SETD4: variants seen among roughly 807,000 people sequenced by gnomAD.
SETD4 encodes SET domain-containing protein 4.
In SETD4, 46 loss-of-function variants were observed where a neutral mutation model predicts 58.3. The observed-to-expected ratio is 0.79, with a 90% CI of 0.62 to 1.01. SETD4 has a LOEUF of 1.01. SETD4 is among the 50% of genes least tolerant of loss of function. The pLI, the probability that SETD4 is intolerant of heterozygous loss-of-function variation, is 0.00. For missense variants in SETD4, 490 were observed against 523.3 expected (o/e 0.94, Z 0.62); for synonymous variants, 190 against 202.6 (o/e 0.94, Z 0.53).
At chr21:36,054,054 T>C (rs550881555) in intron 3 of SETD4, among the ~76,000 whole-genome samples, 153 of 152,250 alleles carry the variant, frequency 1.0e-3, no homozygotes, top group African/African-American at 3.5e-3. Flanking sequence ...ACCCCTTTGA[T>C]TGGCCGACTG....
chr21:36,056,350 C>T (rs901683619), intron 3 of SETD4, among the ~76,000 whole-genome samples: 1 of 152,190 alleles, frequency 6.6e-6, no homozygotes, highest in Non-Finnish European at 1.5e-5. Flanking sequence ...GCAGCCTGCC[C>T]TGTGATGTAG....
chr21:36,046,280 T>C (rs1037405915), intron 5 of SETD4, among the ~76,000 whole-genome samples: 4 of 152,174 alleles, frequency 2.6e-5, no homozygotes, highest in African/African-American at 9.7e-5. Flanking sequence ...TGCAAGAGAT[T>C]CCTCTTTGCA....
Position 36,038,134 on chromosome 21 carries a change from T to C in SETD4, c.1188+16A>G. ...TCAAGACACTTCTTTAAGGATGTCATATTCTAGAAACATACCTTTTGAAGC... is the reference window on the plus strand; with the variant it reads ...TCAAGACACTTCTTTAAGGATGTCACATTCTAGAAACATACCTTTTGAAGC... On this transcript the variant is annotated intron_variant, in intron 10 of 11. Coordinates refer to ENST00000332131, the MANE Select transcript of SETD4 (RefSeq NM_017438.5). 1 of 1,605,806 alleles carries C rather than the reference T, an allele frequency of 6.2e-7. No individual in the cohort carries two copies. Among genetic ancestry groups the C allele is most frequent in the Non-Finnish European group, 8.5e-7 (1 of 1,177,700 alleles).
At chr21:36,058,133 T>A (rs369699072) in intron 2 of SETD4, among the ~76,000 whole-genome samples, 100 of 152,322 alleles carry the variant, frequency 6.6e-4, no homozygotes, top group African/African-American at 2.2e-3. Flanking sequence ...AACAATGAGT[T>A]AGTTATCTTC....
At chr21:36,057,931 C>G (rs1030007663) in intron 2 of SETD4, among the ~76,000 whole-genome samples, 1 of 152,192 alleles carries the variant, frequency 6.6e-6, no homozygotes, top group African/African-American at 2.4e-5. Flanking sequence ...GTACCATATC[C>G]AGTTGGATTT....
chr21:36,050,228 C>T (rs1332558189), intron 4 of SETD4: 4 of 1,287,314 alleles, frequency 3.1e-6, no homozygotes, highest in African/African-American at 2.9e-5. Flanking sequence ...TCTGTAGTTA[C>T]GTGGCTGCCA....
chr21:36,059,179 TG>T lies in SETD4; in HGVS notation c.-36-256del, dbSNP rs999308503. ...CAGTCCCTCTAAAACAGTTTTATCT[TG>T]CAGACCTAGTGACTACAGCTTAATC... On this transcript the variant is annotated intron_variant, in intron 1 of 11. Coordinates refer to ENST00000332131, the MANE Select transcript of SETD4 (RefSeq NM_017438.5). 4 of 256,364 alleles carry T rather than the reference TG, an allele frequency of 1.6e-5. No homozygotes were observed. The Admixed American group carries it at 2.2e-4, about 14-fold the overall frequency. 15.9% of individuals were successfully genotyped at this position (256,364 alleles called of 1,614,324 possible). A position where few individuals can be genotyped will look rare whatever the true frequency, so the allele number is the denominator to read the frequency against.
At chr21:36,047,995 C>A (rs1045810740) in intron 5 of SETD4, among the ~76,000 whole-genome samples, 1 of 148,036 alleles carries the variant, frequency 6.8e-6, no homozygotes, top group Non-Finnish European at 1.5e-5. Context: ...ACAGGTGAGA[C>A]TCCATCTCAA....
intron 7 of SETD4, chr21:36,042,421 T>C (rs1375243072): frequency 6.6e-6 from 1 of 152,224 alleles, no homozygotes; most frequent in Admixed American, 6.5e-5. Context: ...TAATTTTTGC[T>C]CAAATTAATT....
chr21:36,055,514 G>A (rs950126520), intron 3 of SETD4, among the ~76,000 whole-genome samples: 2 of 152,174 alleles, frequency 1.3e-5, no homozygotes, highest in East Asian at 3.8e-4. Flanking sequence ...AAAGAAGAGA[G>A]AGTCTAAAGA....
intron 2 of SETD4, among the ~76,000 whole-genome samples, chr21:36,057,761 T>C (rs2065059295): frequency 6.6e-6 from 1 of 152,138 alleles, no homozygotes; most frequent in Non-Finnish European, 1.5e-5. Context: ...CAGACACAAA[T>C]AGGTCAAAGG....
intron 4 of SETD4, chr21:36,050,198 G>A (rs548407700): frequency 8.6e-7 from 1 of 1,157,600 alleles, no homozygotes; most frequent in African/African-American, 1.5e-5. Flanking sequence ...TCCAGGCAAG[G>A]AAGCACAAGC....
chr21:36,041,896 CA>C lies in SETD4; in HGVS notation c.902-9del, dbSNP rs11404455. 2.1e-3 allele frequency: 2,450 copies of C among 1,173,270 alleles called. No homozygotes were observed. The highest frequency in any genetic ancestry group is 4.6e-3 in the East Asian group (161 of 34,862). 72.7% of individuals were successfully genotyped at this position (1,173,270 alleles called of 1,614,324 possible). ...GATATTTAACAAGTATTTCTATATT[CA>C]AAAAAAAAAATCAGACTGTTAGGGC... On this transcript the variant is annotated splice_polypyrimidine_tract_variant and intron_variant, in intron 7 of 11. Coordinates refer to ENST00000332131, the MANE Select transcript of SETD4 (RefSeq NM_017438.5).
intron 3 of SETD4, among the ~76,000 whole-genome samples, chr21:36,056,684 G>A (rs913169297): frequency 2.6e-5 from 4 of 152,134 alleles, no homozygotes; most frequent in Admixed American, 2.6e-4. Flanking sequence ...TAAGCCTCTA[G>A]AGTAGCTGGG....
Position 36,060,483 on chromosome 21 carries a change from G to A in SETD4, c.-173C>T, listed in dbSNP as rs2065238141. On this transcript the variant is annotated 5_prime_UTR_variant, in exon 1 of 12. Transcript: ENST00000332131. ...GCAGAGGGAGAGGCTGAAGGCTGTC[G>A]CGCCTGCCTGGTGTCCTTAAGCAAT... 1 of 152,436 alleles carries A rather than the reference G, an allele frequency of 6.6e-6. No individual in the cohort carries two copies. Among genetic ancestry groups the A allele is most frequent in the South Asian group, 2.1e-4 (1 of 4,836 alleles). 9.4% of individuals were successfully genotyped at this position (152,436 alleles called of 1,614,324 possible).
At chr21:36,045,064 G>A (rs1296398765) in intron 6 of SETD4, among the ~76,000 whole-genome samples, 1 of 152,130 alleles carries the variant, frequency 6.6e-6, no homozygotes, top group Non-Finnish European at 1.5e-5. Flanking sequence ...AACATTTACT[G>A]AACACCTACT....
intron 8 of SETD4, among the ~76,000 whole-genome samples, chr21:36,041,026 C>G (rs561860534): frequency 6.6e-6 from 1 of 151,712 alleles, no homozygotes; most frequent in African/African-American, 2.4e-5. Flanking sequence ...TGGGCGTGGT[C>G]GCAGGCACTT....
At position 36,055,213 on chromosome 21, in the gene SETD4, T is replaced by C. The variant is rs140940297; in HGVS notation, c.170-1593A>G. ...AGTGGAAATTCTCTCCAAACATATA[T>C]ATGAACAAAAGCTGGCCTATGGAAT... On this transcript the variant is annotated intron_variant, in intron 3 of 11. Transcript: ENST00000332131. Among the ~76,000 whole-genome samples, 190 of 152,356 alleles carry C rather than the reference T, an allele frequency of 1.2e-3. 2 individuals are homozygous for C. The highest frequency in any genetic ancestry group is 8.7e-3 in the East Asian group (45 of 5,194).
At chr21:36,057,588 C>T (rs2065051232) in intron 2 of SETD4, 1 of 422,838 alleles carries the variant, frequency 2.4e-6, no homozygotes, top group African/African-American at 2.0e-5. Context: ...TCAATGTAAT[C>T]CTAATCAAAA....
Sources: gnomAD v4.1 joint callset for allele counts (sites outside exome capture counted in the v4.1 genomes callset) on GRCh38, gnomAD v4.1.1 for gene constraint, MANE v1.5 for transcripts, NCBI Gene and HGNC (gene_info 2026-07-23, HGNC 2026-07-21) for gene names.